Variants in FMNL2 observed in about 807,000 individuals in gnomAD.
FMNL2 encodes the protein formin like 2, also known as formin-like protein 2.
A neutral mutation model predicts 130.2 loss-of-function variants in FMNL2; 51 were observed. The ratio of observed to expected loss-of-function variants is 0.39; its 90% CI spans 0.31 to 0.49. The LOEUF is 0.49. Among genes scored for constraint, FMNL2 ranks in the 20% least tolerant of loss-of-function variants. FMNL2 has a pLI of 0.85. For synonymous variants in FMNL2, 465 were observed against 467.1 expected (o/e 1.00, Z 0.06); for missense variants, 977 against 1,316.2 (o/e 0.74, Z 3.99).
chr2:152,400,170 T>G (rs1383558150), intron 1 of FMNL2, among the ~76,000 whole-genome samples: 3 of 152,146 alleles, frequency 2.0e-5, no homozygotes, highest in African/African-American at 7.2e-5. Flanking sequence ...CAGTGGCTCA[T>G]GCCTGTGGTC....
intron 1 of FMNL2, among the ~76,000 whole-genome samples, chr2:152,380,435 GT>G (rs1684398123): frequency 6.6e-6 from 1 of 152,188 alleles, no homozygotes; most frequent in Non-Finnish European, 1.5e-5. Flanking sequence ...ATTCCTAACT[GT>G]GTGTAGTCAG....
chr2:152,368,828 A>G (rs1038531219), intron 1 of FMNL2, among the ~76,000 whole-genome samples: 17 of 152,198 alleles, frequency 1.1e-4, no homozygotes, highest in African/African-American at 3.9e-4. Flanking sequence ...TCTTTGAACT[A>G]TTAACATTTT....
At chr2:152,425,962 C>A (rs974114855) in intron 1 of FMNL2, among the ~76,000 whole-genome samples, 3 of 152,168 alleles carry the variant, frequency 2.0e-5, no homozygotes, top group Non-Finnish European at 4.4e-5. Context: ...GTGGAGGATT[C>A]TCTGACCTGG....
chr2:152,635,352 C>T (rs1682503130), intron 21 of FMNL2, among the ~76,000 whole-genome samples: 1 of 152,194 alleles, frequency 6.6e-6, no homozygotes, highest in South Asian at 2.1e-4. Context: ...CCACCAAATG[C>T]ATTGCCAAAT....
At chr2:152,563,990 C>T (rs1055392636) in intron 6 of FMNL2, among the ~76,000 whole-genome samples, 3 of 152,114 alleles carry the variant, frequency 2.0e-5, no homozygotes, top group East Asian at 1.9e-4. Context: ...CAGGGCAATC[C>T]GACTGCTCTC....
chr2:152,350,611 C>T (rs549916198), intron 1 of FMNL2, among the ~76,000 whole-genome samples: 1 of 152,310 alleles, frequency 6.6e-6, no homozygotes, highest in East Asian at 1.9e-4. Context: ...ATAGGTTGAC[C>T]TGGGACAGGC....
intron 1 of FMNL2, among the ~76,000 whole-genome samples, chr2:152,457,533 AC>A (rs1168331182): frequency 6.6e-6 from 1 of 152,214 alleles, no homozygotes; most frequent in Non-Finnish European, 1.5e-5. Context: ...TTCAGGGTCC[AC>A]ATTCAACTTA....
At chr2:152,554,441 G>A (rs1017491264) in intron 4 of FMNL2, among the ~76,000 whole-genome samples, 11 of 151,930 alleles carry the variant, frequency 7.2e-5, no homozygotes, top group Non-Finnish European at 1.6e-4. Flanking sequence ...ACTTTGATTG[G>A]GTCTTTTTAT....
At chr2:152,416,975 G>A (rs1268790491) in intron 1 of FMNL2, among the ~76,000 whole-genome samples, 1 of 152,202 alleles carries the variant, frequency 6.6e-6, no homozygotes, top group East Asian at 1.9e-4. Flanking sequence ...CTGTTCCAAG[G>A]AGGGCTGAAA....
intron 1 of FMNL2, among the ~76,000 whole-genome samples, chr2:152,457,630 T>C (rs1235977293): frequency 2.6e-5 from 4 of 152,150 alleles, no homozygotes. Context: ...AAGAAAAAAA[T>C]GACCAAAAGA....
chr2:152,624,471 C>G lies in FMNL2; in HGVS notation c.1838-967C>G, dbSNP rs186537065. 5.8e-3 allele frequency among the ~76,000 whole-genome samples: 886 copies of G among 152,098 alleles called. 4 individuals carry two copies. Among genetic ancestry groups the G allele is most frequent in the Non-Finnish European group, 8.8e-3 (596 of 67,986 alleles). On this transcript the variant is annotated intron_variant, in intron 15 of 25. Coordinates refer to ENST00000288670, the MANE Select transcript of FMNL2 (RefSeq NM_052905.4). ...CCAGCAATTTCTTTTCCTTCCCCCC[C>G]GCCCCTTTTATTTATTTATTTTTAA... is the stretch of plus-strand genomic sequence containing the variant.
intron 23 of FMNL2, among the ~76,000 whole-genome samples, chr2:152,637,993 T>C (rs1413084826): frequency 6.6e-6 from 1 of 152,164 alleles, no homozygotes; most frequent in Non-Finnish European, 1.5e-5. Context: ...AATCCAGGCC[T>C]CTTGTGGAAT....
At chr2:152,491,738 G>C (rs185719232) in intron 1 of FMNL2, among the ~76,000 whole-genome samples, 6 of 152,142 alleles carry the variant, frequency 3.9e-5, no homozygotes, top group Non-Finnish European at 8.8e-5. Flanking sequence ...ATCACTTAAG[G>C]TCAGGAGTTT....
At chr2:152,607,245 T>C in intron 9 of FMNL2, 94 bp from the exon 10 acceptor site, 1 of 1,003,228 alleles carries the variant, frequency 1.0e-6, no homozygotes, top group Non-Finnish European at 1.5e-6. Context: ...AAGATAGATA[T>C]TCTGGAAATC....
rs1185646607 is a variant in FMNL2, at chr2:152,430,254, G to A, written c.118-91689G>A. Among the ~76,000 whole-genome samples the A allele has an allele frequency of 2.6e-5, 4 of 152,190 alleles. No homozygotes were observed. In the East Asian group the frequency reaches 5.8e-4, roughly 22 times the overall value. ...TTGAGTTTTGGAAATGAGTTCTCAC[G>A]TTAGTCCATTTTAGAACTTGCGACC... On this transcript the variant is annotated intron_variant, in intron 1 of 25. Coordinates refer to ENST00000288670, the MANE Select transcript of FMNL2 (RefSeq NM_052905.4).
intron 1 of FMNL2, among the ~76,000 whole-genome samples, chr2:152,443,768 G>C (rs1043419244): frequency 8.5e-5 from 13 of 152,062 alleles, no homozygotes; most frequent in African/African-American, 3.1e-4. Context: ...GCTTGAACCC[G>C]GGAGGCAGAG....
At chr2:152,584,790 T>C (rs1696975434) in intron 9 of FMNL2, among the ~76,000 whole-genome samples, 1 of 152,254 alleles carries the variant, frequency 6.6e-6, no homozygotes, top group African/African-American at 2.4e-5. Context: ...TCTCATGTTT[T>C]GATGAATATT....
intron 2 of FMNL2, among the ~76,000 whole-genome samples, chr2:152,527,705 G>A (rs754704168): frequency 1.3e-5 from 2 of 152,064 alleles, no homozygotes; most frequent in Non-Finnish European, 2.9e-5. Context: ...TTCAATCAAT[G>A]TGATATTATT....
intron 1 of FMNL2, among the ~76,000 whole-genome samples, chr2:152,491,843 C>T (rs1389171939): frequency 1.3e-5 from 2 of 152,068 alleles, no homozygotes; most frequent in South Asian, 4.2e-4. Context: ...CCCAGCTACT[C>T]GGGGGGTTGA....
Sources: gnomAD v4.1 joint callset for allele counts (sites outside exome capture counted in the v4.1 genomes callset) on GRCh38, gnomAD v4.1.1 for gene constraint, MANE v1.5 for transcripts, NCBI Gene and HGNC (gene_info 2026-07-23, HGNC 2026-07-21) for gene names.